Variants in THNSL1 observed in about 807,000 individuals in gnomAD.
THNSL1 encodes threonine synthase like 1.
THNSL1 carries 48 observed loss-of-function variants against 50.4 expected under a neutral mutation model. That is an observed-to-expected ratio of 0.95 (90% confidence interval 0.76 to 1.21). The LOEUF (loss-of-function observed/expected upper bound fraction) is 1.21. THNSL1 is among the 50% of genes most tolerant of loss of function. The pLI, the probability that THNSL1 is intolerant of heterozygous loss-of-function variation, is 0.00. For synonymous variants in THNSL1, 309 were observed against 306.1 expected, an observed-to-expected ratio of 1.01 and a Z score of -0.10; for missense variants, 896 against 871.7, an observed-to-expected ratio of 1.03 and a Z score of -0.35.
the THNSL1 span, among the ~76,000 whole-genome samples, chr10:24,969,055 G>A: frequency 2.0e-5 from 3 of 152,094 alleles, no homozygotes; most frequent in Non-Finnish European, 2.9e-5. Flanking sequence ...CACTATGCCC[G>A]GCTAAGTCTT....
the THNSL1 span, among the ~76,000 whole-genome samples, chr10:24,965,520 T>A: frequency 8.5e-5 from 13 of 152,236 alleles, no homozygotes; most frequent in Non-Finnish European, 1.5e-5. Context: ...CTACTTGAAA[T>A]GATTTCTTCA....
At position 25,026,587 on chromosome 10, in the gene THNSL1, G is replaced by A. The variant is rs1850857279; in HGVS notation, c.*1132G>A. ...CATATTTAATTTGTATTCCTTTGTA[G>A]TAATACATTTTAACCATGATTTATG... On this transcript the variant is annotated 3_prime_UTR_variant, in exon 3 of 3. Coordinates refer to ENST00000376356, the MANE Select transcript of THNSL1 (RefSeq NM_024838.5). 1 of 165,630 alleles carries A rather than the reference G, an allele frequency of 6.0e-6. No homozygotes were observed. Among genetic ancestry groups the A allele is most frequent in the South Asian group, 2.1e-4 (1 of 4,824 alleles). 10.3% of individuals were successfully genotyped at this position (165,630 alleles called of 1,614,324 possible).
the THNSL1 span, among the ~76,000 whole-genome samples, chr10:25,001,046 T>G: frequency 2.6e-5 from 4 of 152,090 alleles, no homozygotes; most frequent in Admixed American, 2.6e-4. Flanking sequence ...CTGTGTGGTA[T>G]AAAATCCATA....
the THNSL1 span, among the ~76,000 whole-genome samples, chr10:24,954,397 G>A: frequency 6.6e-6 from 1 of 152,028 alleles, no homozygotes; most frequent in Non-Finnish European, 1.5e-5. Context: ...TTAGCCATGA[G>A]GCTCAGTGTG....
At chr10:25,019,866 T>G (rs1314707619) in intron 1 of THNSL1, among the ~76,000 whole-genome samples, 1 of 152,020 alleles carries the variant, frequency 6.6e-6, no homozygotes, top group Non-Finnish European at 1.5e-5. Context: ...TCCTCAAATC[T>G]TTTTTTTCCA....
chr10:24,984,382 G>GGA, the THNSL1 span: 11 of 1,397,946 alleles, frequency 7.9e-6, no homozygotes, highest in East Asian at 1.3e-4. Context: ...ATGCGCTGCA[G>GGA]AAAAAAAAAA....
chr10:24,959,731 T>A, the THNSL1 span, among the ~76,000 whole-genome samples: 1 of 152,186 alleles, frequency 6.6e-6, no homozygotes, highest in Admixed American at 6.5e-5. Context: ...ATAAGTGTTT[T>A]AAAAATATTG....
chr10:24,999,342 AAT>A, the THNSL1 span: 5 of 1,492,430 alleles, frequency 3.4e-6, no homozygotes, highest in African/African-American at 7.1e-5. Flanking sequence ...ACAATAAAAT[AAT>A]AGTTAAATCA....
At chr10:25,008,320 G>A in the THNSL1 span, among the ~76,000 whole-genome samples, 1 of 152,134 alleles carries the variant, frequency 6.6e-6, no homozygotes, top group African/African-American at 2.4e-5. Context: ...TGTTTTCCTT[G>A]ATTAAATTCT....
At chr10:24,956,129 CT>C in the THNSL1 span, among the ~76,000 whole-genome samples, 4 of 151,142 alleles carry the variant, frequency 2.6e-5, no homozygotes, top group Non-Finnish European at 5.9e-5. Flanking sequence ...ATTTCCTTTT[CT>C]TTTTTTTTCC....
chr10:24,995,570 A>G, the THNSL1 span: 1 of 1,281,408 alleles, frequency 7.8e-7, no homozygotes. Flanking sequence ...AATAATGATA[A>G]CATAGATGAT....
Position 25,023,297 on chromosome 10 carries a change from C to A in THNSL1, c.74C>A (p.Thr25Lys), listed in dbSNP as rs770319378. 1 of 1,613,938 alleles carries A rather than the reference C, an allele frequency of 6.2e-7. No homozygotes were observed. The highest frequency in any genetic ancestry group is 1.3e-5 in the African/African-American group (1 of 74,922). Residue 25 changes from threonine (T) to lysine (K), a missense_variant, in exon 3 of 3, where the codon ACG becomes AAG. Coordinates refer to ENST00000376356, the MANE Select transcript of THNSL1 (RefSeq NM_024838.5). Reference sequence around the variant, plus strand: ...TGTTTTTCTAGTATACATGTTAAAACGGATAAACATGCACAGCGATTTCTT... The same window carrying A: ...TGTTTTTCTAGTATACATGTTAAAAAGGATAAACATGCACAGCGATTTCTT... ...QKCFSSIHVKTDKHAQRFLSR... is the reference protein window; with the variant it reads ...QKCFSSIHVKKDKHAQRFLSR...
chr10:24,994,311 T>C, the THNSL1 span, among the ~76,000 whole-genome samples: 1 of 151,616 alleles, frequency 6.6e-6, no homozygotes, highest in African/African-American at 2.4e-5. Context: ...TTGATGCAAC[T>C]TATTATTCTT....
the THNSL1 span, among the ~76,000 whole-genome samples, chr10:24,985,117 C>T: frequency 6.6e-6 from 1 of 152,144 alleles, no homozygotes; most frequent in African/African-American, 2.4e-5. Context: ...GCTCAGTTCC[C>T]ACTGGGAGTA....
At chr10:24,974,971 C>T in the THNSL1 span, among the ~76,000 whole-genome samples, 2 of 152,162 alleles carry the variant, frequency 1.3e-5, no homozygotes, top group African/African-American at 4.8e-5. Flanking sequence ...AGCATTCTTG[C>T]TAGTTAGTGC....
chr10:25,009,794 G>A, the THNSL1 span, among the ~76,000 whole-genome samples: 3 of 151,948 alleles, frequency 2.0e-5, no homozygotes, highest in Non-Finnish European at 2.9e-5. Flanking sequence ...ATAAAGAGGC[G>A]TTCCCCTGCA....
chr10:24,971,781 C>T, the THNSL1 span, among the ~76,000 whole-genome samples: 1 of 152,148 alleles, frequency 6.6e-6, no homozygotes, highest in Non-Finnish European at 1.5e-5. Context: ...TCACTATCAA[C>T]CAGGGGGCAG....
At chr10:25,022,026 T>C (rs761236037) in intron 2 of THNSL1, 118 bp downstream of exon 2, 5 of 152,180 alleles carry the variant, frequency 3.3e-5, no homozygotes, top group Admixed American at 1.3e-4. Flanking sequence ...TATTTTAACA[T>C]ATGATCTAGT....
chr10:25,018,567 G>A (rs1055984530), intron 1 of THNSL1, among the ~76,000 whole-genome samples: 1 of 151,980 alleles, frequency 6.6e-6, no homozygotes, highest in African/African-American at 2.4e-5. Context: ...AATGATGGTG[G>A]GCCAGATTTA....
Sources: allele counts gnomAD v4.1 joint callset (sites outside exome capture counted in the v4.1 genomes callset), GRCh38; gene constraint gnomAD v4.1.1; transcripts MANE v1.5; gene names NCBI Gene and HGNC (gene_info 2026-07-23, HGNC 2026-07-21).